The following ESRRA variants were observed in gnomAD, a reference collection of about 807,000 sequenced individuals.
ESRRA encodes the protein steroid hormone receptor ERR1.
Under a neutral mutation model 35.6 loss-of-function variants are expected in ESRRA, and 7 were observed. The observed-to-expected ratio is 0.20, with a 90% CI of 0.11 to 0.37. The LOEUF (loss-of-function observed/expected upper bound fraction) is 0.37. Among genes scored for constraint, ESRRA ranks in the 10% least tolerant of loss-of-function variants. The pLI, the probability that ESRRA is intolerant of heterozygous loss-of-function variation, is 1.00. For synonymous variants in ESRRA, 223 were observed against 246.9 expected, an observed-to-expected ratio of 0.90 and a Z score of 0.91; for missense variants, 378 against 561.7, an observed-to-expected ratio of 0.67 and a Z score of 3.31.
At position 64,316,609 on chromosome 11, in the gene ESRRA, G is replaced by A; in HGVS notation, c.*643G>A. 1 of 476,946 alleles carries A rather than the reference G, an allele frequency of 2.1e-6. No homozygotes were observed. Among genetic ancestry groups the A allele is most frequent in the Non-Finnish European group, 3.8e-6 (1 of 262,992 alleles). 29.5% of individuals were successfully genotyped at this position (476,946 alleles called of 1,614,324 possible). On this transcript the variant is annotated 3_prime_UTR_variant, in exon 7 of 7. Transcript: ENST00000000442. Reference sequence around the variant, plus strand: ...TTGGGTTTGGCCAGGGAGGCGCAGGGACATGGGGCAAGCCAGGGCCCAGAG... The same window carrying A: ...TTGGGTTTGGCCAGGGAGGCGCAGGAACATGGGGCAAGCCAGGGCCCAGAG...
chr11:64,314,210 TCA>T, intron 3 of ESRRA, 27 bp from the exon 4 acceptor site: 1 of 1,595,370 alleles, frequency 6.3e-7, no homozygotes, highest in South Asian at 1.1e-5. Flanking sequence ...AGCACCACAG[TCA>T]CAGTCCTATC....
At chr11:64,314,513 T>TG in intron 4 of ESRRA, 146 bp downstream of exon 4, 3 of 1,106,962 alleles carry the variant, frequency 2.7e-6, no homozygotes, top group Non-Finnish European at 3.8e-6. Flanking sequence ...TTTTCCTGCA[T>TG]CAGGAAAAGT....
chr11:64,315,374 G>C, intron 6 of ESRRA, 104 bp downstream of exon 6: 1 of 1,306,262 alleles, frequency 7.7e-7, no homozygotes. Flanking sequence ...GAAAACTGAG[G>C]CTTAGGGAAG....
At position 64,316,305 on chromosome 11, in the gene ESRRA, G is replaced by C. The variant is rs1041203044; in HGVS notation, c.*339G>C. On this transcript the variant is annotated 3_prime_UTR_variant, in exon 7 of 7. Transcript: ENST00000000442. ...CAGGGAGGGAAGGGGATGGAGGCCA[G>C]AGTCTCCCAGTGGGTGATGCTTTTG... The C allele has an allele frequency of 8.0e-5, 22 of 274,162 alleles. No individual in the cohort carries two copies. Among genetic ancestry groups the C allele is most frequent in the Admixed American group, 4.3e-4 (9 of 21,008 alleles). 17.0% of individuals were successfully genotyped at this position (274,162 alleles called of 1,614,324 possible).
At position 64,315,336 on chromosome 11, in the gene ESRRA, G is replaced by A. The variant is rs958887964; in HGVS notation, c.1012+66G>A. On this transcript the variant is annotated intron_variant, in intron 6 of 6. Coordinates refer to ENST00000000442, the MANE Select transcript of ESRRA (RefSeq NM_004451.5). ...AAGGTCTTCAGGTTAACTCAGTGAC[G>A]GTAGCACAGCCCCATTTTGCAGATA... The A allele has an allele frequency of 5.6e-5, 82 of 1,473,328 alleles. 1 individual carries two copies. Among genetic ancestry groups the A allele is most frequent in the South Asian group, 2.6e-4 (19 of 72,196 alleles). The allele number at this position is 1,473,328 out of a possible 1,614,324, so 91.3% of individuals were successfully genotyped here. A position where few individuals can be genotyped will look rare whatever the true frequency, so the allele number is the denominator to read the frequency against.
rs1449862108 is a variant in ESRRA, at chr11:64,313,163, C to T, written c.326-788C>T. Among the ~76,000 whole-genome samples the T allele has an allele frequency of 6.6e-6, 1 of 152,092 alleles. No individual in the cohort carries two copies. Among genetic ancestry groups the T allele is most frequent in the Admixed American group, 6.5e-5 (1 of 15,270 alleles). Reference sequence around the variant, plus strand: ...AGTTGCCAGGGGCAGGAGGCGGATTCTGGACCTTGGAGGAGGTAAAGCCCA... The same window carrying T: ...AGTTGCCAGGGGCAGGAGGCGGATTTTGGACCTTGGAGGAGGTAAAGCCCA... On this transcript the variant is annotated intron_variant, in intron 2 of 6. Coordinates refer to ENST00000000442, the MANE Select transcript of ESRRA (RefSeq NM_004451.5). The surrounding 1 kb of genome is among the most constrained non-coding windows in gnomAD (Gnocchi z 4.0).
chr11:64,314,413 G>T (rs1318613074), intron 4 of ESRRA, 46 bp downstream of exon 4: 1 of 1,494,660 alleles, frequency 6.7e-7, no homozygotes, highest in Admixed American at 2.4e-5. Context: ...GGAGGCCTAT[G>T]TGTGGCATCA....
chr11:64,308,596 C>A (rs1449622482), intron 2 of ESRRA, among the ~76,000 whole-genome samples: 1 of 149,186 alleles, frequency 6.7e-6, no homozygotes, highest in African/African-American at 2.5e-5. Context: ...GCGGGCGGAT[C>A]ATGAGGTCAG....
Position 64,313,867 on chromosome 11 carries a change from C to A in ESRRA, c.326-84C>A. 1.1e-6 allele frequency: 1 copy of A among 918,140 alleles called. No homozygotes were observed. The highest frequency in any genetic ancestry group is 1.7e-6 in the Non-Finnish European group (1 of 598,772). The allele number at this position is 918,140 out of a possible 1,614,324, so 56.9% of individuals were successfully genotyped here. On this transcript the variant is annotated intron_variant, in intron 2 of 6. Transcript: ENST00000000442. The surrounding 1 kb of genome is among the most constrained non-coding windows in gnomAD (Gnocchi z 4.0). ...CCATACCCCCAGACCTGTGCTTGCC[C>A]GGGGAGAGTCAGGGCTCTCCTGTCA...
intron 1 of ESRRA, chr11:64,306,141 C>T (rs1400796419): frequency 6.6e-6 from 1 of 152,414 alleles, no homozygotes; most frequent in African/African-American, 2.4e-5. Context: ...CTGGGGCCAC[C>T]CTCCTCTCTG....
rs1312157933 is a variant in ESRRA at position 64,307,030 on chromosome 11, G to A, written c.-12-138G>A. 7.6e-5 allele frequency: 49 copies of A among 642,784 alleles called. No homozygotes were observed. In the South Asian group the frequency reaches 1.0e-3, roughly 14 times the overall value. The allele number at this position is 642,784 out of a possible 1,614,324, so 39.8% of individuals were successfully genotyped here. A position where few individuals can be genotyped will look rare whatever the true frequency, so the allele number is the denominator to read the frequency against. On this transcript the variant is annotated intron_variant, in intron 1 of 6. Coordinates refer to ENST00000000442, the MANE Select transcript of ESRRA (RefSeq NM_004451.5). Reference sequence around the variant, plus strand: ...AGTGTTCCTGGGCAGTCCTTCCTTGGACTCTGCCCCCCTTCTTCCCCACTT... The same window carrying A: ...AGTGTTCCTGGGCAGTCCTTCCTTGAACTCTGCCCCCCTTCTTCCCCACTT...
In ESRRA at chr11:64,313,765, C is replaced by T. The variant is rs1320631449; in HGVS notation, c.326-186C>T. ...CCGCTGCCTGGTCCAGCTCCTCCCTCATCCAGGCAGGGCTCCCCCGCCCAG... is the reference window on the plus strand; with the variant it reads ...CCGCTGCCTGGTCCAGCTCCTCCCTTATCCAGGCAGGGCTCCCCCGCCCAG... On this transcript the variant is annotated intron_variant, in intron 2 of 6. Transcript: ENST00000000442. This position sits in a 1 kb window ranked among gnomAD's most constrained non-coding sequence, Gnocchi z 4.0. 7.3e-6 allele frequency: 4 copies of T among 550,798 alleles called. No homozygotes were observed. Among genetic ancestry groups the T allele is most frequent in the Non-Finnish European group, 1.3e-5 (4 of 307,288 alleles). The allele number at this position is 550,798 out of a possible 1,614,324, so 34.1% of individuals were successfully genotyped here. A position where few individuals can be genotyped will look rare whatever the true frequency, so the allele number is the denominator to read the frequency against.
rs979141004 is a variant in ESRRA at position 64,313,070 on chromosome 11, A to G, written c.326-881A>G. Among the ~76,000 whole-genome samples, 7 of 152,100 alleles carry G rather than the reference A, an allele frequency of 4.6e-5. No individual in the cohort carries two copies. The highest frequency in any genetic ancestry group is 1.2e-4 in the African/African-American group (5 of 41,414). ...CTCTTGGCTGCTGAGTCGAGAACAG[A>G]CTGGAGCAAGCAGGGACAGCCAAGC... On this transcript the variant is annotated intron_variant, in intron 2 of 6. Coordinates refer to ENST00000000442, the MANE Select transcript of ESRRA (RefSeq NM_004451.5). The surrounding 1 kb of genome is among the most constrained non-coding windows in gnomAD (Gnocchi z 4.0).
intron 2 of ESRRA, among the ~76,000 whole-genome samples, chr11:64,308,282 A>T (rs148667994): frequency 0.021 from 3,124 of 151,986 alleles, 46 homozygotes; most frequent in Non-Finnish European, 0.034. Flanking sequence ...TGGGAGGCCA[A>T]GGTGGGCGGA....
chr11:64,311,410 G>T (rs1182920867), intron 2 of ESRRA, among the ~76,000 whole-genome samples: 2 of 133,002 alleles, frequency 1.5e-5, no homozygotes, highest in Non-Finnish European at 3.1e-5. Flanking sequence ...GCTCCAGAGG[G>T]CTTGTCTTTT....
At chr11:64,315,579 T>C in intron 6 of ESRRA, 128 bp from the exon 7 acceptor site, 1 of 1,329,334 alleles carries the variant, frequency 7.5e-7, no homozygotes, top group South Asian at 1.3e-5. Flanking sequence ...GAGTGGTGCC[T>C]CTCAGTCAGC....
chr11:64,311,191 G>A (rs1298328515), intron 2 of ESRRA, among the ~76,000 whole-genome samples: 1 of 152,242 alleles, frequency 6.6e-6, no homozygotes, highest in African/African-American at 2.4e-5. Flanking sequence ...GTATGTGGTA[G>A]CCAGAGTCCC....
chr11:64,313,169 C>G lies in ESRRA; in HGVS notation c.326-782C>G, dbSNP rs1185567012. 6.6e-6 allele frequency among the ~76,000 whole-genome samples: 1 copy of G among 152,020 alleles called. No homozygotes were observed. ...CAGGGGCAGGAGGCGGATTCTGGACCTTGGAGGAGGTAAAGCCCACCAGAA... is the reference window on the plus strand; with the variant it reads ...CAGGGGCAGGAGGCGGATTCTGGACGTTGGAGGAGGTAAAGCCCACCAGAA... On this transcript the variant is annotated intron_variant, in intron 2 of 6. Transcript: ENST00000000442. This position sits in a 1 kb window ranked among gnomAD's most constrained non-coding sequence, Gnocchi z 4.0.
chr11:64,315,708 C>T lies in ESRRA; in HGVS notation c.1014C>T (p.Asp338=). 6.2e-7 allele frequency: 1 copy of T among 1,613,870 alleles called. No homozygotes were observed. The highest frequency in any genetic ancestry group is 1.1e-5 in the South Asian group (1 of 91,072). The change falls in exon 7 of 7, where the codon GAC becomes GAT. Residue 338 remains aspartate (D), a splice_region_variant and synonymous_variant. Coordinates refer to ENST00000000442, the MANE Select transcript of ESRRA (RefSeq NM_004451.5). ...CACCACATTCCTCTCTTCTTGCAGA[C>T]TCTGTGCACATCGAAGATGCCGAGG... ...LLKALALANS[D]SVHIEDAEAV...
Sources: allele counts gnomAD v4.1 joint callset (sites outside exome capture counted in the v4.1 genomes callset), GRCh38; gene constraint gnomAD v4.1.1; non-coding constraint Gnocchi (gnomAD v3.1); transcripts MANE v1.5; gene names NCBI Gene and HGNC (gene_info 2026-07-23, HGNC 2026-07-21).